The following KANK1 variants were observed in gnomAD, a reference collection of about 807,000 sequenced individuals.
The protein encoded by KANK1 is KN motif and ankyrin repeat domain-containing protein 1.
Under a neutral mutation model 106.2 loss-of-function variants are expected in KANK1, and 109 were observed. The observed-to-expected ratio is 1.03, with a 90% CI of 0.88 to 1.20. The LOEUF (loss-of-function observed/expected upper bound fraction) is 1.20, where lower values mean the gene tolerates loss of function less well. KANK1 is among the 50% of genes most tolerant of loss of function. The probability of loss-of-function intolerance (pLI) is 0.00; values close to 1 mark genes in which losing one functional copy is unlikely to be tolerated. For missense variants in KANK1, 2,399 were observed against 1,710.7 expected (o/e 1.40, Z -7.10); for synonymous variants, 873 against 652.2 (o/e 1.34, Z -5.16).
intron 1 of KANK1, among the ~76,000 whole-genome samples, chr9:514,497 C>T (rs1021960037): frequency 6.6e-6 from 1 of 150,608 alleles, no homozygotes; most frequent in Admixed American, 6.6e-5. Flanking sequence ...CGAGGGTATC[C>T]TTACTTCTAA....
intron 1 of KANK1, among the ~76,000 whole-genome samples, chr9:647,809 G>A (rs1840018447): frequency 6.7e-6 from 1 of 150,370 alleles, no homozygotes; most frequent in African/African-American, 2.5e-5. Flanking sequence ...ATACGAAATA[G>A]CCCGCAATCC....
intron 1 of KANK1, among the ~76,000 whole-genome samples, chr9:534,273 T>C (rs367976329): frequency 1.4e-3 from 213 of 152,322 alleles, no homozygotes; most frequent in African/African-American, 5.1e-3. Flanking sequence ...ACAATGGAAT[T>C]GTTAGAAGAA....
intron 3 of KANK1, among the ~76,000 whole-genome samples, chr9:724,746 G>A (rs566203083): frequency 6.6e-6 from 1 of 152,110 alleles, no homozygotes; most frequent in South Asian, 2.1e-4. Context: ...AGGTTGCAGT[G>A]AGCAGAGATC....
In KANK1 at chr9:512,230, A is replaced by AGTGTGTGT. The variant is rs71678968; in HGVS notation, c.-84+7489_-84+7496dup. On this transcript the variant is annotated intron_variant, in intron 1 of 11. Transcript: ENST00000382297. Reference sequence around the variant, plus strand: ...GGCTCTCCAGAGAAACATAACCAATAGTGTGTGTGTGTGTGTGTGTATGTA... The same window carrying AGTGTGTGT: ...GGCTCTCCAGAGAAACATAACCAATAGTGTGTGTGTGTGTGTGTGTGTGTGTGTATGTA... 7.8e-3 allele frequency among the ~76,000 whole-genome samples: 1,067 copies of AGTGTGTGT among 136,964 alleles called. 14 individuals carry two copies. Among genetic ancestry groups the AGTGTGTGT allele is most frequent in the African/African-American group, 0.032 (1,022 of 31,846 alleles). The allele number at this position is 136,964 out of a possible 152,430, so 89.9% of individuals were successfully genotyped here. A position where few individuals can be genotyped will look rare whatever the true frequency, so the allele number is the denominator to read the frequency against.
intron 1 of KANK1, among the ~76,000 whole-genome samples, chr9:660,602 C>T (rs551347496): frequency 6.6e-6 from 1 of 152,274 alleles, no homozygotes; most frequent in East Asian, 1.9e-4. Context: ...TTCAGCCACA[C>T]CTAGACCCCT....
chr9:536,115 A>C (rs1020986473), intron 1 of KANK1, among the ~76,000 whole-genome samples: 1 of 152,162 alleles, frequency 6.6e-6, no homozygotes, highest in African/African-American at 2.4e-5. Context: ...AGGTGGGCGG[A>C]TCACTTGAGG....
chr9:538,231 A>G (rs1384295391), intron 1 of KANK1, among the ~76,000 whole-genome samples: 1 of 152,166 alleles, frequency 6.6e-6, no homozygotes, highest in Non-Finnish European at 1.5e-5. Flanking sequence ...GTACTTGAGA[A>G]AGATCGTGTT....
At position 628,587 on chromosome 9, in the gene KANK1, C is replaced by T. The variant is rs1834914888; in HGVS notation, c.-83-48303C>T. Among the ~76,000 whole-genome samples, 3 of 152,186 alleles carry T rather than the reference C, an allele frequency of 2.0e-5. No individual in the cohort carries two copies. The South Asian group carries it at 6.2e-4, about 32-fold the overall frequency. ...GATTCCCTGCTTGAGGGCACTTGAA[C>T]CACAGTGGTGGTGAGTTCAGAATGC... On this transcript the variant is annotated intron_variant, in intron 1 of 11. Transcript: ENST00000382297.
At position 647,406 on chromosome 9, in the gene KANK1, T is replaced by C. The variant is rs1004369835; in HGVS notation, c.-83-29484T>C. 1.4e-4 allele frequency among the ~76,000 whole-genome samples: 21 copies of C among 150,964 alleles called. 1 individual carries two copies. The highest frequency in any genetic ancestry group is 5.0e-4 in the African/African-American group (20 of 40,268). ...TTTATGACATATGAGAAATAAATAA[T>C]AGGAACTTTAAGAAGACTCTATCAC... is the stretch of plus-strand genomic sequence containing the variant. On this transcript the variant is annotated intron_variant, in intron 1 of 11. Coordinates refer to ENST00000382297, the MANE Select transcript of KANK1 (RefSeq NM_015158.5).
Position 597,598 on chromosome 9 carries a change from A to G in KANK1, c.-83-79292A>G, listed in dbSNP as rs1476279257. 2.6e-5 allele frequency among the ~76,000 whole-genome samples: 4 copies of G among 151,826 alleles called. No individual in the cohort carries two copies. In the East Asian group the frequency reaches 7.7e-4, roughly 29 times the overall value. On this transcript the variant is annotated intron_variant, in intron 1 of 11. Coordinates refer to ENST00000382297, the MANE Select transcript of KANK1 (RefSeq NM_015158.5). Reference sequence around the variant, plus strand: ...GAGTGCTTTATATATTCTGGATACTAGACCCTTAATAGATATGTGATTTGC... The same window carrying G: ...GAGTGCTTTATATATTCTGGATACTGGACCCTTAATAGATATGTGATTTGC...
chr9:721,563 A>T (rs1167366378), intron 3 of KANK1, among the ~76,000 whole-genome samples: 1 of 152,196 alleles, frequency 6.6e-6, no homozygotes, highest in Non-Finnish European at 1.5e-5. Context: ...AACCAGAGAG[A>T]GAAAAATTAT....
At chr9:477,356 A>T (rs1407172006) in intron 3 of KANK1, among the ~76,000 whole-genome samples, 1 of 152,152 alleles carries the variant, frequency 6.6e-6, no homozygotes, top group East Asian at 1.9e-4. Context: ...GAGTTCCTAG[A>T]ATAACTGTCT....
chr9:580,576 C>G (rs1411080294), intron 1 of KANK1, among the ~76,000 whole-genome samples: 1 of 152,222 alleles, frequency 6.6e-6, no homozygotes, highest in African/African-American at 2.4e-5. Context: ...ATCAGCTAGA[C>G]ACAGAGCACT....
intron 2 of KANK1, among the ~76,000 whole-genome samples, chr9:703,755 A>T (rs932193465): frequency 2.1e-4 from 32 of 151,474 alleles, no homozygotes; most frequent in Non-Finnish European, 2.9e-5. Context: ...TCTGTCACCC[A>T]GGCTGGAATG....
At chr9:574,512 A>G (rs1337501125) in intron 1 of KANK1, among the ~76,000 whole-genome samples, 1 of 150,716 alleles carries the variant, frequency 6.6e-6, no homozygotes, top group Non-Finnish European at 1.5e-5. Context: ...GAGCAGCTGT[A>G]CCACTCTGTT....
At chr9:570,962 ATAT>A (rs376322549) in intron 1 of KANK1, among the ~76,000 whole-genome samples, 6 of 152,166 alleles carry the variant, frequency 3.9e-5, no homozygotes, top group African/African-American at 1.2e-4. Flanking sequence ...TTCTTACTGT[ATAT>A]TATTAGAGGT....
chr9:718,576 T>C (rs1828394332), intron 3 of KANK1, among the ~76,000 whole-genome samples: 1 of 151,886 alleles, frequency 6.6e-6, no homozygotes, highest in African/African-American at 2.4e-5. Context: ...TCCCAAATTA[T>C]TGGGATTACA....
chr9:505,726 G>A (rs943932300), intron 1 of KANK1, among the ~76,000 whole-genome samples: 1 of 152,206 alleles, frequency 6.6e-6, no homozygotes, highest in Non-Finnish European at 1.5e-5. Context: ...CTCTGCGGAG[G>A]GTCAGCCCAT....
chr9:589,803 G>T (rs992064766), intron 1 of KANK1, among the ~76,000 whole-genome samples: 1 of 152,164 alleles, frequency 6.6e-6, no homozygotes, highest in Non-Finnish European at 1.5e-5. Flanking sequence ...ATTTGAGAAA[G>T]GGAAACCATT....
Sources: allele counts gnomAD v4.1 joint callset (sites outside exome capture counted in the v4.1 genomes callset), GRCh38; gene constraint gnomAD v4.1.1; transcripts MANE v1.5; gene names NCBI Gene and HGNC (gene_info 2026-07-23, HGNC 2026-07-21).